Variants in NRG1 observed in about 807,000 individuals in gnomAD.
NRG1 encodes the protein neuregulin 1.
In NRG1, 18 loss-of-function variants were observed where a neutral mutation model predicts 63.8. That is an observed-to-expected ratio of 0.28 (90% CI 0.19 to 0.42). The LOEUF is 0.42. Ranked by LOEUF, NRG1 falls within the 10% of genes least tolerant of loss-of-function variation. The probability of loss-of-function intolerance (pLI) is 1.00; values close to 1 mark genes in which losing one functional copy is unlikely to be tolerated. For missense variants in NRG1, 762 were observed against 814.7 expected (o/e 0.94, Z 0.79); for synonymous variants, 302 against 301.3 (o/e 1.00, Z -0.02).
intron 1 of NRG1, among the ~76,000 whole-genome samples, chr8:31,859,713 G>A (rs986224821): frequency 6.6e-6 from 1 of 152,206 alleles, no homozygotes; most frequent in Non-Finnish European, 1.5e-5. Flanking sequence ...AAAGCAAAGT[G>A]GTTCCTTATG....
chr8:32,248,007 C>T (rs1848750051), intron 1 of NRG1, among the ~76,000 whole-genome samples: 1 of 152,056 alleles, frequency 6.6e-6, no homozygotes, highest in Non-Finnish European at 1.5e-5. Flanking sequence ...CCTTAGCTAG[C>T]ACTGACCACA....
chr8:32,535,171 T>C (rs1260423726), intron 1 of NRG1, among the ~76,000 whole-genome samples: 5 of 152,160 alleles, frequency 3.3e-5, no homozygotes, highest in African/African-American at 1.2e-4. Flanking sequence ...TCTGTTTGGG[T>C]TATTTGTACA....
At chr8:32,021,547 C>CTTAAATGAAAT (rs1816447803) in intron 1 of NRG1, among the ~76,000 whole-genome samples, 1 of 152,146 alleles carries the variant, frequency 6.6e-6, no homozygotes, top group African/African-American at 2.4e-5. Flanking sequence ...TACCTCCACA[C>CTTAAATGAAAT]TGGGGATCAA....
At chr8:32,498,446 C>A (rs569269229) in intron 1 of NRG1, among the ~76,000 whole-genome samples, 16 of 152,196 alleles carry the variant, frequency 1.1e-4, no homozygotes, top group Non-Finnish European at 2.4e-4. Context: ...CAAACACATC[C>A]TTCTTCACAT....
chr8:32,532,668 C>A (rs1425227731), intron 1 of NRG1, among the ~76,000 whole-genome samples: 1 of 151,946 alleles, frequency 6.6e-6, no homozygotes, highest in Non-Finnish European at 1.5e-5. Context: ...TTTAGGGAAT[C>A]TTTCCTATAA....
intron 5 of NRG1, among the ~76,000 whole-genome samples, chr8:32,621,796 G>A (rs908101423): frequency 2.0e-5 from 3 of 152,184 alleles, no homozygotes; most frequent in Non-Finnish European, 2.9e-5. Context: ...ACTGTACGTT[G>A]AAACTGATAC....
At chr8:32,346,405 T>C (rs1041886249) in intron 1 of NRG1, among the ~76,000 whole-genome samples, 1 of 151,690 alleles carries the variant, frequency 6.6e-6, no homozygotes, top group African/African-American at 2.4e-5. Flanking sequence ...CTGTTAACAT[T>C]TGTTATTTAG....
At chr8:32,557,131 A>G (rs1041081417) in intron 1 of NRG1, among the ~76,000 whole-genome samples, 7 of 151,946 alleles carry the variant, frequency 4.6e-5, no homozygotes, top group Non-Finnish European at 8.8e-5. Context: ...TCAGCCTCCC[A>G]AGTAGCTGAG....
chr8:31,822,782 G>A (rs1207078775), intron 1 of NRG1, among the ~76,000 whole-genome samples: 1 of 152,128 alleles, frequency 6.6e-6, no homozygotes, highest in Non-Finnish European at 1.5e-5. Context: ...AAGGTGTATT[G>A]TTTTGCAAAT....
chr8:32,105,174 T>TA (rs1269849564), intron 1 of NRG1, among the ~76,000 whole-genome samples: 2 of 152,168 alleles, frequency 1.3e-5, no homozygotes, highest in Non-Finnish European at 2.9e-5. Flanking sequence ...TTAGCTCTGT[T>TA]ATAACCTTAT....
intron 5 of NRG1, among the ~76,000 whole-genome samples, chr8:32,727,284 GATATT>G (rs1822449874): frequency 6.6e-6 from 1 of 152,156 alleles, no homozygotes; most frequent in African/African-American, 2.4e-5. Flanking sequence ...CATTTACAGT[GATATT>G]AGACTCTTTC....
At chr8:32,658,993 G>A (rs1802169475) in intron 5 of NRG1, among the ~76,000 whole-genome samples, 1 of 152,162 alleles carries the variant, frequency 6.6e-6, no homozygotes, top group Non-Finnish European at 1.5e-5. Flanking sequence ...AATGACAAAT[G>A]AAGAGGAAGA....
chr8:32,624,451 T>C (rs2129543007), intron 5 of NRG1, among the ~76,000 whole-genome samples: 1 of 152,180 alleles, frequency 6.6e-6, no homozygotes, highest in South Asian at 2.1e-4. Context: ...ACACAATCAT[T>C]GACAACTGAT....
intron 1 of NRG1, among the ~76,000 whole-genome samples, chr8:32,512,653 T>C (rs1829352593): frequency 6.6e-6 from 1 of 152,162 alleles, no homozygotes; most frequent in African/African-American, 2.4e-5. Context: ...CTTGTTCAAG[T>C]CCACACAGCT....
At chr8:32,598,181 G>C (rs1326885290) in intron 2 of NRG1, among the ~76,000 whole-genome samples, 2 of 152,140 alleles carry the variant, frequency 1.3e-5, no homozygotes, top group East Asian at 3.9e-4. Context: ...AGATTATCTA[G>C]TTCAGTCTTA....
chr8:31,997,184 CTTTTT>C (rs56256338), intron 1 of NRG1, among the ~76,000 whole-genome samples: 22 of 137,416 alleles, frequency 1.6e-4, no homozygotes, highest in Admixed American at 2.2e-4. Flanking sequence ...ATAGTGTAAC[CTTTTT>C]TTTTTTTTTT....
intron 1 of NRG1, among the ~76,000 whole-genome samples, chr8:31,686,423 G>T (rs1314612389): frequency 6.6e-6 from 1 of 152,008 alleles, no homozygotes; most frequent in African/African-American, 2.4e-5. Context: ...TGATTTTTGT[G>T]TATAGACATT....
chr8:32,372,009 AAAAG>A (rs1808949374), intron 1 of NRG1, among the ~76,000 whole-genome samples: 1 of 98,832 alleles, frequency 1.0e-5, no homozygotes, highest in African/African-American at 4.8e-5. Context: ...TTTTTTTTTT[AAAAG>A]GGTTGTGCCA....
At chr8:32,539,202 T>C (rs1008371514) in intron 1 of NRG1, among the ~76,000 whole-genome samples, 1 of 152,160 alleles carries the variant, frequency 6.6e-6, no homozygotes, top group African/African-American at 2.4e-5. Flanking sequence ...TAAGGAGAAG[T>C]TTCTATTTTA....
Sources: allele counts gnomAD v4.1 joint callset (sites outside exome capture counted in the v4.1 genomes callset), GRCh38; gene constraint gnomAD v4.1.1; transcripts MANE v1.5; gene names NCBI Gene and HGNC (gene_info 2026-07-23, HGNC 2026-07-21).